The following PARP11 variants were observed in gnomAD, a reference collection of about 807,000 sequenced individuals.
The protein encoded by PARP11 is poly(ADP-ribose) polymerase family member 11, also known as protein mono-ADP-ribosyltransferase PARP11.
In PARP11, 31 loss-of-function variants were observed where a neutral mutation model predicts 42.9. That is an observed-to-expected ratio of 0.72 (90% CI 0.54 to 0.98). The LOEUF is 0.98. PARP11 is among the 50% of genes least tolerant of loss of function. PARP11 has a pLI of 0.00. For missense variants in PARP11, 365 were observed against 413.1 expected (o/e 0.88, Z 1.01); for synonymous variants, 137 against 127.3 (o/e 1.08, Z -0.51).
intron 1 of PARP11, among the ~76,000 whole-genome samples, chr12:3,857,285 T>TA (rs930563860): frequency 2.0e-5 from 3 of 151,224 alleles, no homozygotes; most frequent in East Asian, 1.9e-4. Context: ...ATAATAATAA[T>TA]AAAAAAAAGA....
intron 1 of PARP11, chr12:3,842,339 G>A (rs1947907034): frequency 4.3e-6 from 7 of 1,610,472 alleles, no homozygotes; most frequent in Non-Finnish European, 5.9e-6. Flanking sequence ...AAAAGTGATT[G>A]GGGCTATTCT....
intron 1 of PARP11, among the ~76,000 whole-genome samples, chr12:3,857,577 GA>G (rs1475120053): frequency 6.6e-6 from 1 of 151,858 alleles, no homozygotes; most frequent in Non-Finnish European, 1.5e-5. Flanking sequence ...CTTTGACAGG[GA>G]AAACCTCACG....
At chr12:3,854,239 A>G (rs1041884174) in intron 1 of PARP11, among the ~76,000 whole-genome samples, 2 of 152,202 alleles carry the variant, frequency 1.3e-5, no homozygotes, top group African/African-American at 4.8e-5. Context: ...CAGAAGCAAG[A>G]GCAAACAAAT....
At chr12:3,854,880 T>C (rs547626378) in intron 1 of PARP11, among the ~76,000 whole-genome samples, 513 of 152,298 alleles carry the variant, frequency 3.4e-3, no homozygotes, top group Admixed American at 6.5e-3. Context: ...GCAAAAATCC[T>C]CAATAAAATA....
At chr12:3,813,214 G>A (rs955218864) in intron 7 of PARP11, among the ~76,000 whole-genome samples, 2 of 152,140 alleles carry the variant, frequency 1.3e-5, no homozygotes, top group South Asian at 2.1e-4. Context: ...AGTGGAAACC[G>A]ATGGCCTACA....
intron 1 of PARP11, chr12:3,842,318 G>A (rs1947906365): frequency 1.2e-6 from 2 of 1,604,598 alleles, no homozygotes; most frequent in Admixed American, 1.7e-5. Flanking sequence ...ACTTATGGGA[G>A]CAGGAAGTAC....
intron 1 of PARP11, among the ~76,000 whole-genome samples, chr12:3,853,926 A>C (rs530146927): frequency 6.6e-6 from 1 of 152,344 alleles, no homozygotes. Flanking sequence ...AGAAATCATA[A>C]CAAACTGTCT....
intron 6 of PARP11, among the ~76,000 whole-genome samples, chr12:3,819,311 C>T (rs986593858): frequency 6.6e-6 from 1 of 152,194 alleles, no homozygotes; most frequent in Non-Finnish European, 1.5e-5. Context: ...CAACGTGTCT[C>T]AGTTTAATTA....
intron 1 of PARP11, among the ~76,000 whole-genome samples, chr12:3,835,245 T>C (rs1397243054): frequency 6.6e-6 from 1 of 152,282 alleles, no homozygotes; most frequent in African/African-American, 2.4e-5. Context: ...GACCAGTACA[T>C]AGTCTATGCC....
At chr12:3,830,039 G>A (rs1947604649) in intron 1 of PARP11, 21 bp from the exon 2 acceptor site, 2 of 1,608,816 alleles carry the variant, frequency 1.2e-6, no homozygotes, top group East Asian at 4.5e-5. Context: ...AGAAGGAGGT[G>A]GAGGAAGAAA....
intron 1 of PARP11, among the ~76,000 whole-genome samples, chr12:3,864,662 A>G (rs1290552956): frequency 6.6e-6 from 1 of 152,156 alleles, no homozygotes. Context: ...GAATATGTCT[A>G]TTTGATCTAA....
chr12:3,852,490 T>C (rs910546288), intron 1 of PARP11, among the ~76,000 whole-genome samples: 1 of 152,160 alleles, frequency 6.6e-6, no homozygotes, highest in Admixed American at 6.5e-5. Context: ...ATGTGACGCA[T>C]GCACAAGCTT....
intron 1 of PARP11, among the ~76,000 whole-genome samples, chr12:3,860,648 A>C (rs1053050275): frequency 1.6e-4 from 24 of 151,802 alleles, no homozygotes; most frequent in African/African-American, 5.8e-4. Flanking sequence ...CTAGCACACC[A>C]CTATATTTTT....
chr12:3,839,375 T>C (rs577883353), intron 1 of PARP11: 21 of 1,486,926 alleles, frequency 1.4e-5, no homozygotes, highest in Admixed American at 2.0e-5. Context: ...GCGACGCCCA[T>C]GGACGCCTAT....
intron 1 of PARP11, chr12:3,872,692 A>G (rs1948511023): frequency 1.0e-6 from 1 of 985,260 alleles, no homozygotes; most frequent in Non-Finnish European, 1.2e-6. Flanking sequence ...GGGGGTCCCA[A>G]TTCCCTTGCT....
chr12:3,872,542 C>G lies in PARP11; in HGVS notation c.18+670G>C, dbSNP rs558293680. The G allele has an allele frequency of 3.9e-4, 382 of 985,314 alleles. 7 individuals carry two copies. In the South Asian group the frequency reaches 0.016, roughly 41 times the overall value. The allele number at this position is 985,314 out of a possible 1,614,324, so 61.0% of individuals were successfully genotyped here. On this transcript the variant is annotated intron_variant, in intron 1 of 7. Coordinates refer to ENST00000228820, the MANE Select transcript of PARP11 (RefSeq NM_020367.6). ...TCAGCCAAGGAAGAAGGCAGACTTG[C>G]AGTTGAAATGCTCCAGATCACTTTG... is the stretch of plus-strand genomic sequence containing the variant.
Position 3,812,388 on chromosome 12 carries a change from T to A in PARP11, c.752A>T (p.Asp251Val). 1 of 1,614,186 alleles carries A rather than the reference T, an allele frequency of 6.2e-7. No homozygotes were observed. Among genetic ancestry groups the A allele is most frequent in the South Asian group, 1.1e-5 (1 of 91,076 alleles). The part of the protein sequence containing the change: ...AAYSSRFCKD[D>V]IKHGNTFQIH... ...TTGGAATGTGTTCCCATGCTTTATG[T>A]CATCTTTGCAGAAACGACTGGAATA... The change falls in exon 8 of 8, where the codon GAC becomes GTC. Residue 251 changes from aspartate to valine, a missense_variant. Asp to Val is a radical substitution (Grantham distance 152, BLOSUM62 -3). Transcript: ENST00000228820.
chr12:3,833,154 T>C (rs1353523923), intron 1 of PARP11, among the ~76,000 whole-genome samples: 2 of 152,364 alleles, frequency 1.3e-5, no homozygotes, highest in East Asian at 1.9e-4. Flanking sequence ...AGCATGAGTA[T>C]AGTATCTTCA....
intron 1 of PARP11, among the ~76,000 whole-genome samples, chr12:3,849,375 T>TA (rs2138090231): frequency 6.6e-6 from 1 of 152,284 alleles, no homozygotes; most frequent in East Asian, 1.9e-4. Context: ...TGCAGAATGA[T>TA]ACATAATAGC....
Sources: gnomAD v4.1 joint callset for allele counts (sites outside exome capture counted in the v4.1 genomes callset) on GRCh38, gnomAD v4.1.1 for gene constraint, MANE v1.5 for transcripts, NCBI Gene and HGNC (gene_info 2026-07-23, HGNC 2026-07-21) for gene names.